Variants in KDM5A observed in about 807,000 individuals in gnomAD.
KDM5A encodes the protein lysine-specific demethylase 5A.
A neutral mutation model predicts 193.5 loss-of-function variants in KDM5A; 42 were observed. That is an observed-to-expected ratio of 0.22 (90% CI 0.17 to 0.28). The LOEUF (loss-of-function observed/expected upper bound fraction) is 0.28. Among genes scored for constraint, KDM5A ranks in the 10% least tolerant of loss-of-function variants. KDM5A has a pLI of 1.00. For missense variants in KDM5A, 1,692 were observed against 2,055.1 expected (o/e 0.82, Z 3.42); for synonymous variants, 796 against 718.1 (o/e 1.11, Z -1.73).
At chr12:314,011 G>A (rs969966277) in intron 19 of KDM5A, among the ~76,000 whole-genome samples, 8 of 152,076 alleles carry the variant, frequency 5.3e-5, no homozygotes, top group Non-Finnish European at 1.2e-4. Flanking sequence ...AAAAAGAGTG[G>A]GGCAGGAAAA....
At chr12:334,150 G>T in intron 11 of KDM5A, 91 bp downstream of exon 11, 1 of 1,182,450 alleles carries the variant, frequency 8.5e-7, no homozygotes, top group Non-Finnish European at 1.2e-6. Flanking sequence ...ATATACTTCT[G>T]TCTATAAACC....
intron 20 of KDM5A, among the ~76,000 whole-genome samples, chr12:311,501 TAC>T (rs1398922957): frequency 6.7e-6 from 1 of 150,322 alleles, no homozygotes; most frequent in Non-Finnish European, 1.5e-5. Context: ...CCTTTGAAAT[TAC>T]AGAGGAAACA....
chr12:373,328 T>C (rs543956885), intron 3 of KDM5A, among the ~76,000 whole-genome samples: 1 of 152,362 alleles, frequency 6.6e-6, no homozygotes, highest in East Asian at 1.9e-4. Context: ...TGGGAGGGTG[T>C]ATGTCTCCAG....
At chr12:291,614 A>C (rs1391038774) in intron 27 of KDM5A, among the ~76,000 whole-genome samples, 1 of 152,234 alleles carries the variant, frequency 6.6e-6, no homozygotes, top group African/African-American at 2.4e-5. Flanking sequence ...CATAACCTAT[A>C]GGGAACAGTG....
At chr12:368,807 T>A (rs539698300) in intron 3 of KDM5A, among the ~76,000 whole-genome samples, 2 of 152,236 alleles carry the variant, frequency 1.3e-5, no homozygotes, top group East Asian at 3.9e-4. Flanking sequence ...TTCCTCACCA[T>A]CATCAAAATA....
In KDM5A at chr12:354,080, G is replaced by A. The variant is rs1399787627; in HGVS notation, c.1025C>T (p.Ala342Val). The A allele has an allele frequency of 4.3e-6, 7 of 1,613,474 alleles. No homozygotes were observed. The highest frequency in any genetic ancestry group is 5.9e-6 in the Non-Finnish European group (7 of 1,179,600). The change falls in exon 8 of 28, where the codon GCC (alanine) becomes GTC (valine). Residue 342 changes from alanine (A) to valine (V), a missense_variant. Transcript: ENST00000399788. The stretch of plus-strand genomic sequence containing the variant: ...CCATAGAGGTTAGACGTGTACCTCG[G>A]CGACACATTTAGGACACCTCCAGTC... ...KGDWRCPKCV[A>V]EECSKPREAF...
chr12:348,970 C>T (rs1054100316), intron 10 of KDM5A, among the ~76,000 whole-genome samples: 95 of 146,946 alleles, frequency 6.5e-4, no homozygotes, highest in Admixed American at 1.8e-3. Context: ...GGAAAAAACA[C>T]GCATTCAGTG....
Position 282,387 on chromosome 12 carries a change from T to C in KDM5A, c.*3069A>G, listed in dbSNP as rs979427226. 1.7e-5 allele frequency: 4 copies of C among 233,188 alleles called. No individual in the cohort carries two copies. The Admixed American group carries it at 2.2e-4, about 13-fold the overall frequency. 14.4% of individuals were successfully genotyped at this position (233,188 alleles called of 1,614,324 possible). A position where few individuals can be genotyped will look rare whatever the true frequency, so the allele number is the denominator to read the frequency against. ...TCAAGGTATGACATGCAATAATTTA[T>C]AATTTTACTGAGGCACAAATTTGAA... is the stretch of plus-strand genomic sequence containing the variant. On this transcript the variant is annotated 3_prime_UTR_variant, in exon 28 of 28. Transcript: ENST00000399788.
chr12:293,228 C>G (rs533721735), intron 26 of KDM5A, 59 bp from the exon 27 acceptor site: 248 of 1,435,110 alleles, frequency 1.7e-4, no homozygotes, highest in Non-Finnish European at 2.3e-4. Flanking sequence ...AACAGTATTA[C>G]TCTCTTATAT....
intron 27 of KDM5A, 46 bp from the exon 28 acceptor site, chr12:285,708 A>G: frequency 1.3e-6 from 2 of 1,547,994 alleles, no homozygotes; most frequent in Non-Finnish European, 1.8e-6. Context: ...ATAAACATTA[A>G]GCCTAGAATA....
chr12:387,888 A>G (rs562828879), intron 1 of KDM5A, among the ~76,000 whole-genome samples: 1 of 152,332 alleles, frequency 6.6e-6, no homozygotes, highest in South Asian at 2.1e-4. Context: ...AAAAAGCAAC[A>G]CTGGTTAACA....
chr12:369,472 T>C (rs1443686861), intron 3 of KDM5A, among the ~76,000 whole-genome samples: 1 of 152,126 alleles, frequency 6.6e-6, no homozygotes, highest in Non-Finnish European at 1.5e-5. Flanking sequence ...ACAATGAACA[T>C]AATATATAAA....
At chr12:335,054 C>T (rs532320366) in intron 10 of KDM5A, among the ~76,000 whole-genome samples, 2 of 152,254 alleles carry the variant, frequency 1.3e-5, no homozygotes, top group East Asian at 1.9e-4. Context: ...AGAAAGTCAC[C>T]ACCATCACTC....
intron 10 of KDM5A, among the ~76,000 whole-genome samples, chr12:339,617 C>G (rs1024166628): frequency 1.3e-5 from 2 of 152,126 alleles, no homozygotes; most frequent in African/African-American, 4.8e-5. Flanking sequence ...GGACATTTAG[C>G]AAAATAATTC....
At chr12:292,003 A>G (rs1246669113) in intron 27 of KDM5A, among the ~76,000 whole-genome samples, 1 of 151,674 alleles carries the variant, frequency 6.6e-6, no homozygotes, top group African/African-American at 2.4e-5. Flanking sequence ...CCTGGGTTCA[A>G]GCGATTCCCC....
intron 13 of KDM5A, 177 bp from the exon 14 acceptor site, chr12:329,206 G>A: frequency 1.6e-6 from 1 of 620,964 alleles, no homozygotes; most frequent in Non-Finnish European, 2.8e-6. Context: ...GACCCAGCCA[G>A]AGTTTCAAAG....
intron 24 of KDM5A, among the ~76,000 whole-genome samples, chr12:302,670 G>T (rs1943458267): frequency 6.6e-6 from 1 of 152,146 alleles, no homozygotes; most frequent in Non-Finnish European, 1.5e-5. Flanking sequence ...ATAGACAAAT[G>T]GGATCTAATT....
chr12:381,692 TA>T (rs934934028), intron 3 of KDM5A, among the ~76,000 whole-genome samples: 4 of 152,162 alleles, frequency 2.6e-5, no homozygotes, highest in East Asian at 1.9e-4. Flanking sequence ...CCTGACTGAT[TA>T]AAAAAAGTCT....
At chr12:296,316 C>T (rs773558805) in intron 25 of KDM5A, among the ~76,000 whole-genome samples, 81 of 142,986 alleles carry the variant, frequency 5.7e-4, no homozygotes, top group Non-Finnish European at 1.1e-3. Flanking sequence ...GACAGAAACT[C>T]CATCTCAAAA....
Sources: allele counts gnomAD v4.1 joint callset (sites outside exome capture counted in the v4.1 genomes callset), GRCh38; gene constraint gnomAD v4.1.1; transcripts MANE v1.5; gene names NCBI Gene and HGNC (gene_info 2026-07-23, HGNC 2026-07-21).